The following GMPS variants were observed in gnomAD, a reference collection of about 807,000 sequenced individuals.
The protein encoded by GMPS is guanosine monophosphate synthase.
GMPS carries 15 observed loss-of-function variants against 77.9 expected under a neutral mutation model. That is an observed-to-expected ratio of 0.19 (90% confidence interval 0.13 to 0.30). The LOEUF (loss-of-function observed/expected upper bound fraction) is 0.30, where lower values mean the gene tolerates loss of function less well. Ranked by LOEUF, GMPS falls within the 10% of genes least tolerant of loss-of-function variation. The probability of loss-of-function intolerance (pLI) is 1.00; values close to 1 mark genes in which losing one functional copy is unlikely to be tolerated. For missense variants in GMPS, 590 were observed against 838.8 expected, an observed-to-expected ratio of 0.70 and a Z score of 3.66; for synonymous variants, 224 against 275.9, an observed-to-expected ratio of 0.81 and a Z score of 1.86.
At chr3:155,914,286 C>G (rs12485735) in intron 7 of GMPS, 133 bp from the exon 8 acceptor site, 25,624 of 521,608 alleles carry the variant, frequency 0.049, 992 homozygotes, top group East Asian at 0.16. Flanking sequence ...AATTTGTAGG[C>G]AGATTTAGGG....
At chr3:155,919,190 T>G (rs1314126475) in intron 9 of GMPS, 43 bp from the exon 10 acceptor site, 1 of 801,994 alleles carries the variant, frequency 1.2e-6, no homozygotes, top group Admixed American at 2.5e-5. Context: ...CCATGTCATC[T>G]TGGTTACTAG....
chr3:155,898,366 A>G (rs984095544), intron 3 of GMPS, among the ~76,000 whole-genome samples: 4 of 152,204 alleles, frequency 2.6e-5, no homozygotes, highest in African/African-American at 7.2e-5. Flanking sequence ...AGTTGTTGAC[A>G]TTTTTGAACC....
chr3:155,920,574 T>TAA (rs145651357), intron 10 of GMPS, among the ~76,000 whole-genome samples: 10 of 109,704 alleles, frequency 9.1e-5, no homozygotes, highest in East Asian at 4.9e-4. Flanking sequence ...GACTCCATCT[T>TAA]AAAAAAAAAA....
chr3:155,889,579 G>A (rs1754416632), intron 1 of GMPS, among the ~76,000 whole-genome samples: 1 of 152,188 alleles, frequency 6.6e-6, no homozygotes, highest in South Asian at 2.1e-4. Flanking sequence ...GGCTGTGGTA[G>A]TTTGTCACCA....
chr3:155,913,989 C>G (rs1420202802), intron 7 of GMPS, among the ~76,000 whole-genome samples: 1 of 151,984 alleles, frequency 6.6e-6, no homozygotes. Flanking sequence ...CTCTGTCACC[C>G]AGGCTGGAGT....
At chr3:155,922,573 C>A (rs1755345300) in intron 11 of GMPS, among the ~76,000 whole-genome samples, 1 of 152,130 alleles carries the variant, frequency 6.6e-6, no homozygotes, top group South Asian at 2.1e-4. Context: ...TAAGGGAAAT[C>A]CTTTGAGTCA....
chr3:155,908,803 T>C (rs1434575718), intron 5 of GMPS, among the ~76,000 whole-genome samples: 1 of 152,170 alleles, frequency 6.6e-6, no homozygotes, highest in Non-Finnish European at 1.5e-5. Flanking sequence ...ACAAAGGTGC[T>C]GAGTAGGCAG....
At position 155,942,362 on chromosome 3, in the gene GMPS, A is replaced by G; in HGVS notation, c.*4670A>G. 4.9e-6 allele frequency: 1 copy of G among 202,718 alleles called. No homozygotes were observed. Among genetic ancestry groups the G allele is most frequent in the African/African-American group, 2.3e-5 (1 of 43,786 alleles). 12.6% of individuals were successfully genotyped at this position (202,718 alleles called of 1,614,324 possible). On this transcript the variant is annotated 3_prime_UTR_variant, in exon 16 of 16. Coordinates refer to ENST00000496455, the MANE Select transcript of GMPS (RefSeq NM_003875.3). ...CTCGGCCTCTCAGAGTGCTGGGATTACAGGCGTGAGCCACCACGCCCGGCA... is the reference window on the plus strand; with the variant it reads ...CTCGGCCTCTCAGAGTGCTGGGATTGCAGGCGTGAGCCACCACGCCCGGCA...
chr3:155,875,684 G>C (rs1754032691), intron 1 of GMPS, among the ~76,000 whole-genome samples: 2 of 152,180 alleles, frequency 1.3e-5, no homozygotes, highest in South Asian at 4.1e-4. Flanking sequence ...TCTTTGTGTG[G>C]CATATACAAT....
intron 3 of GMPS, among the ~76,000 whole-genome samples, chr3:155,898,767 T>C (rs1467876028): frequency 1.3e-5 from 2 of 152,166 alleles, no homozygotes; most frequent in South Asian, 2.1e-4. Flanking sequence ...TTGGCAGGAG[T>C]ATCACAGAAT....
At chr3:155,883,969 C>A (rs1754270111) in intron 1 of GMPS, among the ~76,000 whole-genome samples, 1 of 151,976 alleles carries the variant, frequency 6.6e-6, no homozygotes, top group Non-Finnish European at 1.5e-5. Flanking sequence ...CTGGTTTAAA[C>A]CTACGCAAAG....
Position 155,942,563 on chromosome 3 carries a change from A to G in GMPS, c.*4871A>G. 1 of 228,548 alleles carries G rather than the reference A, an allele frequency of 4.4e-6. No homozygotes were observed. The highest frequency in any genetic ancestry group is 6.3e-5 in the East Asian group (1 of 15,980). The allele number at this position is 228,548 out of a possible 1,614,324, so 14.2% of individuals were successfully genotyped here. ...CTAAATTAGTTCAGATCCAGGAACC[A>G]GATTCTGGAACTGATTGCACCTATA... is the stretch of plus-strand genomic sequence containing the variant. On this transcript the variant is annotated 3_prime_UTR_variant, in exon 16 of 16. Coordinates refer to ENST00000496455, the MANE Select transcript of GMPS (RefSeq NM_003875.3).
At chr3:155,907,642 T>C (rs1754927589) in intron 5 of GMPS, among the ~76,000 whole-genome samples, 1 of 151,982 alleles carries the variant, frequency 6.6e-6, no homozygotes, top group Admixed American at 6.5e-5. Context: ...TGTTTAACAC[T>C]GGAAAAAGGG....
At chr3:155,887,890 CTT>C (rs1754372771) in intron 1 of GMPS, among the ~76,000 whole-genome samples, 1 of 152,102 alleles carries the variant, frequency 6.6e-6, no homozygotes, top group African/African-American at 2.4e-5. Context: ...TTGTACCAAA[CTT>C]TCAACTTTTC....
intron 1 of GMPS, among the ~76,000 whole-genome samples, chr3:155,881,265 C>T (rs758871902): frequency 1.9e-4 from 28 of 149,526 alleles, no homozygotes; most frequent in Non-Finnish European, 3.1e-4. Context: ...CTCTGCATCC[C>T]GGGTTCAAGC....
At position 155,891,592 on chromosome 3, in the gene GMPS, ATTTG is replaced by A. The variant is rs1360633608; in HGVS notation, c.28-1919_28-1916del. On this transcript the variant is annotated intron_variant, in intron 1 of 15. Transcript: ENST00000496455. ...ACAAATCCTCCTCTGTAGATGACTGATTTGTTTGTTACTTTTTTTTTTTTTTTTT... is the reference window on the plus strand; with the variant it reads ...ACAAATCCTCCTCTGTAGATGACTGATTTGTTACTTTTTTTTTTTTTTTTT... Among the ~76,000 whole-genome samples, 6 of 138,764 alleles carry A rather than the reference ATTTG, an allele frequency of 4.3e-5. No homozygotes were observed. In the East Asian group the frequency reaches 8.8e-4, roughly 20 times the overall value. 91.0% of individuals were successfully genotyped at this position (138,764 alleles called of 152,430 possible). A position where few individuals can be genotyped will look rare whatever the true frequency, so the allele number is the denominator to read the frequency against.
chr3:155,874,182 C>T (rs934614329), intron 1 of GMPS, among the ~76,000 whole-genome samples: 1 of 152,172 alleles, frequency 6.6e-6, no homozygotes, highest in Non-Finnish European at 1.5e-5. Context: ...TTTATTAAGG[C>T]AGCATTATCA....
intron 1 of GMPS, among the ~76,000 whole-genome samples, chr3:155,881,437 G>C (rs1754204985): frequency 6.6e-6 from 1 of 152,116 alleles, no homozygotes; most frequent in African/African-American, 2.4e-5. Flanking sequence ...TTCCCAAAGT[G>C]CTGGGGTTAC....
chr3:155,912,621 T>C (rs1755071159), intron 7 of GMPS, among the ~76,000 whole-genome samples: 1 of 152,240 alleles, frequency 6.6e-6, no homozygotes, highest in African/African-American at 2.4e-5. Flanking sequence ...TTTCTGTGTA[T>C]AGTTAAGTAC....
Sources: gnomAD v4.1 joint callset for allele counts (sites outside exome capture counted in the v4.1 genomes callset) on GRCh38, gnomAD v4.1.1 for gene constraint, MANE v1.5 for transcripts, NCBI Gene and HGNC (gene_info 2026-07-23, HGNC 2026-07-21) for gene names.